BTG4: variants seen among roughly 807,000 people sequenced by gnomAD.
BTG4 encodes the protein BTG anti-proliferation factor 4, also known as protein BTG4.
In BTG4, 10 loss-of-function variants were observed where a neutral mutation model predicts 19.3. The observed-to-expected ratio is 0.52, with a 90% CI of 0.32 to 0.88. BTG4 has a LOEUF of 0.88. BTG4 is among the 40% of genes least tolerant of loss of function. BTG4 has a pLI of 0.04. For missense variants in BTG4, 238 were observed against 281.9 expected, an observed-to-expected ratio of 0.84 and a Z score of 1.11; for synonymous variants, 91 against 95.7, an observed-to-expected ratio of 0.95 and a Z score of 0.29.
intron 1 of BTG4, among the ~76,000 whole-genome samples, chr11:111,503,312 A>G (rs1866217153): frequency 1.3e-5 from 2 of 152,262 alleles, no homozygotes; most frequent in Admixed American, 6.5e-5. Flanking sequence ...TGAGCTTTCA[A>G]TGGCAATTAA....
the BTG4 span, chr11:111,456,868 C>T: frequency 1.6e-5 from 3 of 191,190 alleles, no homozygotes; most frequent in Non-Finnish European, 3.4e-5. The surrounding 1 kb of genome is among the most constrained non-coding windows in gnomAD (Gnocchi z 4.2). Context: ...TCTCCTTGGA[C>T]AGTGGGGCTT....
chr11:111,406,651 G>A, the BTG4 span, among the ~76,000 whole-genome samples: 1 of 152,202 alleles, frequency 6.6e-6, no homozygotes, highest in Non-Finnish European at 1.5e-5. Context: ...GACCAGAAAT[G>A]AGCAGGAGGC....
chr11:111,416,655 C>T, the BTG4 span: 4 of 152,284 alleles, frequency 2.6e-5, no homozygotes, highest in Non-Finnish European at 2.9e-5. Flanking sequence ...GCAGAGAGCA[C>T]GGGCTTTGAG....
chr11:111,399,876 G>C, the BTG4 span, among the ~76,000 whole-genome samples: 52 of 152,314 alleles, frequency 3.4e-4, no homozygotes, highest in Middle Eastern at 3.4e-3. Context: ...TCTGCCCTCA[G>C]GGTGGCGGGT....
At chr11:111,420,009 C>T in the BTG4 span, among the ~76,000 whole-genome samples, 140,182 of 152,218 alleles carry the variant, frequency 0.92, 64,883 homozygotes, top group East Asian at 1. Context: ...CACCAGGCAC[C>T]CAAGGACAGG....
chr11:111,488,963 C>T (rs1051789653), intron 5 of BTG4, among the ~76,000 whole-genome samples: 5 of 151,840 alleles, frequency 3.3e-5, no homozygotes, highest in East Asian at 3.9e-4. Context: ...TTGACCAACA[C>T]GGAAAAACCC....
chr11:111,489,315 C>A (rs1865269724), intron 5 of BTG4, among the ~76,000 whole-genome samples: 1 of 152,156 alleles, frequency 6.6e-6, no homozygotes, highest in Non-Finnish European at 1.5e-5. Context: ...GAAAGGGGAA[C>A]CCTCATACAC....
At chr11:111,436,525 C>A in the BTG4 span, among the ~76,000 whole-genome samples, 1 of 151,868 alleles carries the variant, frequency 6.6e-6, no homozygotes, top group African/African-American at 2.4e-5. Flanking sequence ...ACTCAGGGGG[C>A]TGAGGCAGAG....
the BTG4 span, chr11:111,417,131 G>C: frequency 1.3e-5 from 2 of 152,318 alleles, no homozygotes; most frequent in African/African-American, 4.8e-5. Flanking sequence ...CAATACACCT[G>C]CCTTATGTCC....
the BTG4 span, among the ~76,000 whole-genome samples, chr11:111,413,385 C>T: frequency 4.2e-4 from 64 of 152,372 alleles, no homozygotes; most frequent in Non-Finnish European, 8.1e-4. Flanking sequence ...AATGCACACG[C>T]CGGTTTGAGA....
intron 5 of BTG4, among the ~76,000 whole-genome samples, chr11:111,484,466 G>C (rs1483977157): frequency 1.5e-4 from 23 of 152,108 alleles, no homozygotes; most frequent in Admixed American, 1.5e-3. Flanking sequence ...TAAATAAAGA[G>C]ATCAAAAAGT....
At chr11:111,467,549 C>T (rs376907632) in exon 6 of BTG4, 1 of 653,262 alleles carries the variant, frequency 1.5e-6, no homozygotes, top group South Asian at 1.9e-5. Flanking sequence ...GTTTTTTATT[C>T]TTTTCAGGCT....
the BTG4 span, among the ~76,000 whole-genome samples, chr11:111,395,821 G>A: frequency 2.0e-5 from 3 of 152,196 alleles, no homozygotes; most frequent in Non-Finnish European, 2.9e-5. Context: ...CGCTGCCCTA[G>A]GCAATGCCCC....
At chr11:111,452,976 G>A in the BTG4 span, among the ~76,000 whole-genome samples, 11 of 152,066 alleles carry the variant, frequency 7.2e-5, no homozygotes, top group African/African-American at 2.7e-4. Context: ...GAGAAGGGGA[G>A]TATTGTGAGC....
chr11:111,451,534 G>A, the BTG4 span: 2 of 364,482 alleles, frequency 5.5e-6, no homozygotes, highest in East Asian at 7.6e-5. Flanking sequence ...GGGAGGCCAA[G>A]GAGGGCAGAT....
chr11:111,388,735 T>C, the BTG4 span, among the ~76,000 whole-genome samples: 2 of 152,182 alleles, frequency 1.3e-5, no homozygotes, highest in Admixed American at 6.5e-5. Flanking sequence ...CTGTGCAGCA[T>C]TTAAAAGCCC....
At chr11:111,444,216 C>T in the BTG4 span, among the ~76,000 whole-genome samples, 1 of 136,316 alleles carries the variant, frequency 7.3e-6, no homozygotes, top group Non-Finnish European at 1.5e-5. Flanking sequence ...TGTGTAGAGA[C>T]AGTGTGTGTA....
intron 5 of BTG4, among the ~76,000 whole-genome samples, chr11:111,483,690 A>G (rs1433655835): frequency 6.6e-6 from 1 of 152,122 alleles, no homozygotes; most frequent in Non-Finnish European, 1.5e-5. Flanking sequence ...CAGAGAAGAG[A>G]AAAGAATAAA....
chr11:111,503,379 C>T (rs12281804), intron 1 of BTG4, among the ~76,000 whole-genome samples: 20 of 152,330 alleles, frequency 1.3e-4, no homozygotes, highest in African/African-American at 4.8e-4. Flanking sequence ...AAAGACCAAC[C>T]TGGTCTGGCC....
Sources: allele counts gnomAD v4.1 joint callset (sites outside exome capture counted in the v4.1 genomes callset), GRCh38; gene constraint gnomAD v4.1.1; non-coding constraint Gnocchi (gnomAD v3.1); transcripts MANE v1.5; gene names NCBI Gene and HGNC (gene_info 2026-07-23, HGNC 2026-07-21).